Variants in SAMMSON observed in about 807,000 individuals in gnomAD.
SAMMSON encodes the protein survival associated mitochondrial melanoma specific oncogenic non-coding RNA, also known as long intergenic non-protein coding RNA 1212.
intron 4 of SAMMSON, among the ~76,000 whole-genome samples, chr3:70,103,141 T>C (rs2067352478): frequency 6.6e-6 from 1 of 152,154 alleles, no homozygotes; most frequent in African/African-American, 2.4e-5. Flanking sequence ...AACAAATTGG[T>C]ACCGTGCTGG....
intron 3 of SAMMSON, among the ~76,000 whole-genome samples, chr3:70,031,691 A>T (rs1049168045): frequency 9.9e-5 from 15 of 152,080 alleles, no homozygotes; most frequent in South Asian, 6.2e-4. Context: ...GGAAAAAAAA[A>T]TCCTTATTTT....
At chr3:70,301,018 C>T (rs531386964) in intron 7 of SAMMSON, among the ~76,000 whole-genome samples, 47 of 152,090 alleles carry the variant, frequency 3.1e-4, no homozygotes, top group African/African-American at 1.1e-3. Context: ...CCTTATTATC[C>T]ATTAAGTACC....
intron 4 of SAMMSON, among the ~76,000 whole-genome samples, chr3:70,110,048 T>C (rs1279519353): frequency 1.3e-5 from 2 of 152,240 alleles, no homozygotes; most frequent in African/African-American, 4.8e-5. Context: ...GATACATTAG[T>C]GATCGTGATA....
chr3:70,385,235 G>T (rs182133507), intron 9 of SAMMSON, among the ~76,000 whole-genome samples: 1 of 151,860 alleles, frequency 6.6e-6, no homozygotes, highest in Non-Finnish European at 1.5e-5. Context: ...TAATTTTTTC[G>T]TGAAGATTAA....
intron 4 of SAMMSON, among the ~76,000 whole-genome samples, chr3:70,121,137 A>G (rs954652292): frequency 2.0e-5 from 3 of 152,198 alleles, no homozygotes; most frequent in African/African-American, 4.8e-5. Context: ...TCGCGCTCCT[A>G]TAAGAATCTA....
At chr3:70,406,714 T>C (rs1363573363) in intron 2 of SAMMSON, among the ~76,000 whole-genome samples, 6 of 152,126 alleles carry the variant, frequency 3.9e-5, no homozygotes, top group Non-Finnish European at 8.8e-5. Flanking sequence ...CAAATAAATG[T>C]AACTTAAAAA....
chr3:70,080,923 A>T (rs2067265658), intron 4 of SAMMSON, among the ~76,000 whole-genome samples: 1 of 152,166 alleles, frequency 6.6e-6, no homozygotes, highest in Non-Finnish European at 1.5e-5. Flanking sequence ...CAGGGCCTAT[A>T]GTTCACTCCA....
intron 6 of SAMMSON, among the ~76,000 whole-genome samples, chr3:70,282,857 G>A (rs1702102516): frequency 6.6e-6 from 1 of 152,150 alleles, no homozygotes; most frequent in Non-Finnish European, 1.5e-5. Flanking sequence ...GGAAAAGAGA[G>A]GTGTAAATAT....
Position 70,049,142 on chromosome 3 carries a change from G to A in SAMMSON, n.418-22334G>A, listed in dbSNP as rs116370617. 5.0e-3 allele frequency among the ~76,000 whole-genome samples: 760 copies of A among 152,266 alleles called. 11 individuals carry two copies. Among genetic ancestry groups the A allele is most frequent in the African/African-American group, 0.017 (712 of 41,572 alleles). The stretch of plus-strand genomic sequence containing the variant: ...ACATTTACTGCATACCTACCAGGTA[G>A]TGGGTACTGTTAGAGGTGATTAAAT... On this transcript the variant is annotated intron_variant and non_coding_transcript_variant, in intron 3 of 9. Transcript: ENST00000642114.
rs562830654 is a variant in SAMMSON at position 70,057,655 on chromosome 3, T to TGA, written n.418-13819_418-13818dup. ...ATATGCATATACATATGTATATGGA[T>TGA]GAGTGTGTGTGTGTGTGTGTGTGTG... On this transcript the variant is annotated intron_variant and non_coding_transcript_variant, in intron 3 of 9. Transcript: ENST00000642114. Among the ~76,000 whole-genome samples, 18 of 151,100 alleles carry TGA rather than the reference T, an allele frequency of 1.2e-4. 1 individual carries two copies. The South Asian group carries it at 2.9e-3, about 25-fold the overall frequency.
At chr3:70,288,153 G>A (rs971186030) in intron 6 of SAMMSON, among the ~76,000 whole-genome samples, 1 of 141,874 alleles carries the variant, frequency 7.0e-6, no homozygotes, top group African/African-American at 2.7e-5. Flanking sequence ...GTGATGTTAG[G>A]GTGTCAATTT....
At chr3:70,374,391 A>G (rs1380315776) in intron 9 of SAMMSON, among the ~76,000 whole-genome samples, 1 of 152,142 alleles carries the variant, frequency 6.6e-6, no homozygotes, top group Non-Finnish European at 1.5e-5. Context: ...TCGTCTTTAA[A>G]CCTTCTTTTT....
intron 9 of SAMMSON, among the ~76,000 whole-genome samples, chr3:70,364,783 A>G (rs1424679381): frequency 1.3e-5 from 2 of 151,572 alleles, no homozygotes; most frequent in Non-Finnish European, 3.0e-5. Context: ...TACACCTTTT[A>G]TGTTTTTAAT....
intron 7 of SAMMSON, among the ~76,000 whole-genome samples, chr3:70,310,750 T>C (rs1702446990): frequency 6.6e-6 from 1 of 152,204 alleles, no homozygotes; most frequent in Non-Finnish European, 1.5e-5. Flanking sequence ...GTTGGAGGTG[T>C]TGATTTCAAC....
chr3:70,352,736 G>A (rs1702802492), intron 7 of SAMMSON, among the ~76,000 whole-genome samples: 1 of 151,980 alleles, frequency 6.6e-6, no homozygotes, highest in Non-Finnish European at 1.5e-5. Context: ...ACACAATTTT[G>A]TAGAAATAGA....
intron 6 of SAMMSON, among the ~76,000 whole-genome samples, chr3:70,287,419 T>A (rs1247469422): frequency 6.6e-6 from 1 of 151,662 alleles, no homozygotes; most frequent in African/African-American, 2.4e-5. Flanking sequence ...CACTTGATCA[T>A]GGTGGATAAA....
intron 4 of SAMMSON, among the ~76,000 whole-genome samples, chr3:70,226,343 A>G (rs1018148458): frequency 3.9e-5 from 6 of 152,202 alleles, no homozygotes; most frequent in Admixed American, 3.3e-4. Context: ...TAACAGAGGC[A>G]CACACACAGC....
chr3:70,170,028 T>G (rs893149832), intron 4 of SAMMSON, among the ~76,000 whole-genome samples: 8 of 151,960 alleles, frequency 5.3e-5, no homozygotes, highest in Non-Finnish European at 1.2e-4. Flanking sequence ...CCTTATTGCC[T>G]TTAGCCCTCT....
At chr3:70,314,260 A>G (rs1702479832) in intron 7 of SAMMSON, among the ~76,000 whole-genome samples, 1 of 152,214 alleles carries the variant, frequency 6.6e-6, no homozygotes, top group Admixed American at 6.5e-5. Flanking sequence ...CCACAAATTA[A>G]TAATCATTAG....
Sources: allele counts gnomAD v4.1 joint callset (sites outside exome capture counted in the v4.1 genomes callset), GRCh38; gene constraint gnomAD v4.1.1; transcripts MANE v1.5; gene names NCBI Gene and HGNC (gene_info 2026-07-23, HGNC 2026-07-21).